KIF3C: variants seen among roughly 807,000 people sequenced by gnomAD.
The protein encoded by KIF3C is kinesin-like protein KIF3C.
KIF3C carries 12 observed loss-of-function variants against 67.7 expected under a neutral mutation model. The observed-to-expected ratio is 0.18, with a 90% CI of 0.11 to 0.29. The LOEUF is 0.29. Among genes scored for constraint, KIF3C ranks in the 10% least tolerant of loss-of-function variants. The pLI, the probability that KIF3C is intolerant of heterozygous loss-of-function variation, is 1.00. For missense variants in KIF3C, 789 were observed against 1,059.6 expected (o/e 0.74, Z 3.55); for synonymous variants, 393 against 426.2 (o/e 0.92, Z 0.96).
intron 5 of KIF3C, chr2:25,938,127 A>G (rs568261712): frequency 6.4e-6 from 2 of 310,864 alleles, no homozygotes; most frequent in East Asian, 1.1e-4. Context: ...CTTTAGGAGG[A>G]CAAGACAGGT....
rs1025247909 is a variant in KIF3C, at chr2:25,928,742, G to A, written c.*236C>T. On this transcript the variant is annotated 3_prime_UTR_variant, in exon 8 of 8. Transcript: ENST00000264712. ...CGCAGTGACCACGGTAGGCCCAGAC[G>A]GCTCAGGCGAGGGCATCTCCCCAAC... 42 of 454,094 alleles carry A rather than the reference G, an allele frequency of 9.2e-5. No homozygotes were observed. The highest frequency in any genetic ancestry group is 1.3e-4 in the Non-Finnish European group (33 of 252,136). 28.1% of individuals were successfully genotyped at this position (454,094 alleles called of 1,614,324 possible). A position where few individuals can be genotyped will look rare whatever the true frequency, so the allele number is the denominator to read the frequency against.
intron 5 of KIF3C, chr2:25,951,583 A>G: frequency 1.9e-6 from 1 of 514,446 alleles, no homozygotes; most frequent in Admixed American, 3.6e-5. Flanking sequence ...CCAATGAGAC[A>G]CTTTTTTTCC....
intron 1 of KIF3C, among the ~76,000 whole-genome samples, chr2:25,968,297 C>T (rs1391119549): frequency 6.6e-6 from 1 of 152,120 alleles, no homozygotes; most frequent in East Asian, 1.9e-4. Context: ...CTAGGAATTT[C>T]CTTATCAAGA....
At chr2:25,946,034 G>A (rs113359983) in intron 5 of KIF3C, among the ~76,000 whole-genome samples, 4,400 of 151,968 alleles carry the variant, frequency 0.029, 203 homozygotes, top group African/African-American at 0.1. Flanking sequence ...AATTGCTTCA[G>A]CCTGGGAGGC....
rs575053833 is a variant in KIF3C at position 25,950,051 on chromosome 2, C to T, written c.2006+1738G>A. ...GACTGCAGGTGCATGCCACCACACC[C>T]GGCTAATTTTTTGTATTTTTAGTAG... On this transcript the variant is annotated intron_variant, in intron 5 of 7. Transcript: ENST00000264712. 1.1e-4 allele frequency among the ~76,000 whole-genome samples: 17 copies of T among 151,120 alleles called. No homozygotes were observed. In the South Asian group the frequency reaches 2.7e-3, roughly 24 times the overall value.
chr2:25,940,589 GA>G (rs1300427330), intron 5 of KIF3C, among the ~76,000 whole-genome samples: 1 of 134,152 alleles, frequency 7.5e-6, no homozygotes, highest in Non-Finnish European at 1.6e-5. Context: ...AAAAACAACA[GA>G]AAAAAACTTA....
At chr2:25,940,294 C>T (rs976946091) in intron 5 of KIF3C, among the ~76,000 whole-genome samples, 2 of 151,798 alleles carry the variant, frequency 1.3e-5, no homozygotes, top group South Asian at 2.1e-4. Context: ...CAAGGCCAGG[C>T]GCATGGTGGC....
chr2:25,943,618 C>A (rs1163964983), intron 5 of KIF3C, among the ~76,000 whole-genome samples: 1 of 152,048 alleles, frequency 6.6e-6, no homozygotes, highest in Non-Finnish European at 1.5e-5. Context: ...CCGAGGTGGG[C>A]GGATCACCTG....
At position 25,980,264 on chromosome 2, in the gene KIF3C, G is replaced by T. The variant is rs1664529159; in HGVS notation, c.1545+109C>A. 2 of 892,256 alleles carry T rather than the reference G, an allele frequency of 2.2e-6. No homozygotes were observed. Among genetic ancestry groups the T allele is most frequent in the East Asian group, 2.6e-5 (1 of 38,686 alleles). The allele number at this position is 892,256 out of a possible 1,614,324, so 55.3% of individuals were successfully genotyped here. A position where few individuals can be genotyped will look rare whatever the true frequency, so the allele number is the denominator to read the frequency against. On this transcript the variant is annotated intron_variant, in intron 1 of 7. Transcript: ENST00000264712. This position sits in a 1 kb window ranked among gnomAD's most constrained non-coding sequence, Gnocchi z 7.6. ...TGGCAGGAGGGCAGTGTGCGGTGCT[G>T]AGGGAGAACCTCCACTTCAGGCCAG...
rs1185392483 is a variant in KIF3C at position 25,952,787 on chromosome 2, A to G, written c.1890-882T>C. ...TGGCCAGGCTGGTCTCAAACTCCCG[A>G]CCTCAGGTGATCCACCTGCCTCAGC... On this transcript the variant is annotated intron_variant, in intron 4 of 7. Transcript: ENST00000264712. Among the ~76,000 whole-genome samples, 4 of 151,410 alleles carry G rather than the reference A, an allele frequency of 2.6e-5. No individual in the cohort carries two copies. The East Asian group carries it at 7.8e-4, about 30-fold the overall frequency.
chr2:25,943,758 G>A (rs1178016343), intron 5 of KIF3C, among the ~76,000 whole-genome samples: 1 of 151,912 alleles, frequency 6.6e-6, no homozygotes, highest in Admixed American at 6.6e-5. Flanking sequence ...CCAGCTACTC[G>A]GGAGGCGGAG....
At chr2:25,951,408 A>C in intron 5 of KIF3C, 1 of 220,768 alleles carries the variant, frequency 4.5e-6, no homozygotes, top group South Asian at 6.6e-5. Flanking sequence ...CATCCGGCAC[A>C]CAGTAGCGCT....
intron 1 of KIF3C, among the ~76,000 whole-genome samples, chr2:25,962,409 C>T (rs1363990690): frequency 2.0e-5 from 3 of 151,668 alleles, no homozygotes; most frequent in Non-Finnish European, 4.4e-5. Flanking sequence ...GACGGAGTTT[C>T]GCTCTTGTTG....
At chr2:25,938,373 T>G in intron 5 of KIF3C, 1 of 353,590 alleles carries the variant, frequency 2.8e-6, no homozygotes, top group Non-Finnish European at 5.7e-6. Context: ...AAAAAAAAAA[T>G]TATTTTGTGA....
chr2:25,955,769 A>ACCATGGC lies in KIF3C; in HGVS notation c.1648-113_1648-107dup, dbSNP rs1196960995. ...TCTGCCTGTCTCGGGACCTGGCTTC[A>ACCATGGC]CCATGGCCCATGGCCCACATCCACT... On this transcript the variant is annotated intron_variant, in intron 2 of 7. Coordinates refer to ENST00000264712, the MANE Select transcript of KIF3C (RefSeq NM_002254.8). This position sits in a 1 kb window ranked among gnomAD's most constrained non-coding sequence, Gnocchi z 5.0. 1 of 1,361,396 alleles carries ACCATGGC rather than the reference A, an allele frequency of 7.3e-7. No individual in the cohort carries two copies. The highest frequency in any genetic ancestry group is 1.0e-6 in the Non-Finnish European group (1 of 983,828). 84.3% of individuals were successfully genotyped at this position (1,361,396 alleles called of 1,614,324 possible).
At position 25,980,414 on chromosome 2, in the gene KIF3C, G is replaced by C; in HGVS notation, c.1504C>G (p.Arg502Gly). The stretch of plus-strand genomic sequence containing the variant: ...AGCAGCTCTGTGGCCTGCTGTTCCC[G>C]CCGCAGGTCCTCCAGCATCTTCTCC... ...EKEKMLEDLR[R>G]EQQATELLAA... Residue 502 changes from arginine (R) to glycine (G), a missense_variant, in exon 1 of 8, where the codon CGG (arginine) becomes GGG (glycine). Arg to Gly is a moderately radical substitution (Grantham distance 125). Transcript: ENST00000264712. The surrounding 1 kb of genome is among the most constrained non-coding windows in gnomAD (Gnocchi z 7.6). 2 of 1,613,942 alleles carry C rather than the reference G, an allele frequency of 1.2e-6. No individual in the cohort carries two copies. The highest frequency in any genetic ancestry group is 1.7e-6 in the Non-Finnish European group (2 of 1,179,966).
At chr2:25,971,497 G>A (rs916560103) in intron 1 of KIF3C, among the ~76,000 whole-genome samples, 1 of 151,966 alleles carries the variant, frequency 6.6e-6, no homozygotes, top group Non-Finnish European at 1.5e-5. Flanking sequence ...GGACTCTTCT[G>A]TTGAGTATAT....
chr2:25,955,912 C>T lies in KIF3C; in HGVS notation c.1648-249G>A, dbSNP rs751732091. On this transcript the variant is annotated intron_variant, in intron 2 of 7. Transcript: ENST00000264712. The surrounding 1 kb of genome is among the most constrained non-coding windows in gnomAD (Gnocchi z 5.0). ...CCCAGCCCCTAAGAGCTGGCCTACTCCAGAGGCGTTAGTCACACAGATGGA... is the reference window on the plus strand; with the variant it reads ...CCCAGCCCCTAAGAGCTGGCCTACTTCAGAGGCGTTAGTCACACAGATGGA... Among the ~76,000 whole-genome samples, 1 of 152,178 alleles carries T rather than the reference C, an allele frequency of 6.6e-6. No homozygotes were observed. Among genetic ancestry groups the T allele is most frequent in the Non-Finnish European group, 1.5e-5 (1 of 68,026 alleles).
At chr2:25,961,674 T>A (rs1285113582) in intron 1 of KIF3C, among the ~76,000 whole-genome samples, 1 of 152,204 alleles carries the variant, frequency 6.6e-6, no homozygotes, top group Non-Finnish European at 1.5e-5. Flanking sequence ...CATGAAGGCT[T>A]TTTAGAAACA....
Sources: allele counts gnomAD v4.1 joint callset (sites outside exome capture counted in the v4.1 genomes callset), GRCh38; gene constraint gnomAD v4.1.1; non-coding constraint Gnocchi (gnomAD v3.1); transcripts MANE v1.5; gene names NCBI Gene and HGNC (gene_info 2026-07-23, HGNC 2026-07-21).